Variants in ANO3 observed in about 807,000 individuals in gnomAD.
ANO3 encodes anoctamin 3.
In ANO3, 99 loss-of-function variants were observed where a neutral mutation model predicts 144.8. The observed-to-expected ratio is 0.68, with a 90% CI of 0.58 to 0.81. ANO3 has a LOEUF of 0.81. Ranked by LOEUF, ANO3 falls within the 30% of genes least tolerant of loss-of-function variation. The pLI is 0.00. For missense variants in ANO3, 905 were observed against 1,202.2 expected, an observed-to-expected ratio of 0.75 and a Z score of 3.66; for synonymous variants, 414 against 392.6, an observed-to-expected ratio of 1.05 and a Z score of -0.64.
rs200683704 is a variant in ANO3 at position 26,463,208 on chromosome 11, A to G, written c.432+60A>G. ...AGAGCATCATTTTTAAAACCTTACAATATTCATCTACATATTTGGTTTTCT... is the reference window on the plus strand; with the variant it reads ...AGAGCATCATTTTTAAAACCTTACAGTATTCATCTACATATTTGGTTTTCT... On this transcript the variant is annotated intron_variant, in intron 4 of 26. Coordinates refer to ENST00000256737, the MANE Select transcript of ANO3 (RefSeq NM_031418.4). 614 of 843,330 alleles carry G rather than the reference A, an allele frequency of 7.3e-4. 11 individuals are homozygous for G. In the South Asian group the frequency reaches 7.4e-3, roughly 10 times the overall value. 52.2% of individuals were successfully genotyped at this position (843,330 alleles called of 1,614,324 possible).
chr11:26,460,455 AGAAG>A (rs1355892344), intron 3 of ANO3, among the ~76,000 whole-genome samples: 11 of 150,276 alleles, frequency 7.3e-5, no homozygotes, highest in African/African-American at 2.2e-4. Flanking sequence ...AAAGAAGGAA[AGAAG>A]GAAGGAAGGA....
At chr11:26,595,225 G>A (rs1851574279) in intron 14 of ANO3, among the ~76,000 whole-genome samples, 1 of 152,090 alleles carries the variant, frequency 6.6e-6, no homozygotes, top group Non-Finnish European at 1.5e-5. Flanking sequence ...CCTTTTTCCT[G>A]CCTTTCTTGA....
intron 1 of ANO3, among the ~76,000 whole-genome samples, chr11:26,236,245 A>G (rs1590209148): frequency 6.6e-6 from 1 of 152,178 alleles, no homozygotes; most frequent in Non-Finnish European, 1.5e-5. Flanking sequence ...TACTATTGTT[A>G]GAGATAAATT....
intron 1 of ANO3, among the ~76,000 whole-genome samples, chr11:26,318,373 A>G (rs1854677872): frequency 6.6e-6 from 1 of 152,192 alleles, no homozygotes; most frequent in Non-Finnish European, 1.5e-5. Context: ...AATTTTAACT[A>G]AGGTCTTCTG....
At chr11:26,339,150 C>G (rs1277686006) in intron 1 of ANO3, among the ~76,000 whole-genome samples, 1 of 151,510 alleles carries the variant, frequency 6.6e-6, no homozygotes, top group African/African-American at 2.4e-5. Flanking sequence ...CTCCAAAGTC[C>G]ACTTTTTTTT....
chr11:26,452,870 C>A (rs1342925832), intron 3 of ANO3, among the ~76,000 whole-genome samples: 1 of 152,220 alleles, frequency 6.6e-6, no homozygotes, highest in Non-Finnish European at 1.5e-5. Context: ...ATCAGACTGA[C>A]AGCAGATCTC....
chr11:26,549,551 C>G (rs383087), intron 12 of ANO3, among the ~76,000 whole-genome samples: 1 of 151,918 alleles, frequency 6.6e-6, no homozygotes, highest in Non-Finnish European at 1.5e-5. Flanking sequence ...CTCTATTGAT[C>G]ATGTTTCTAC....
chr11:26,458,686 T>G (rs117218305), intron 3 of ANO3, among the ~76,000 whole-genome samples: 3,969 of 152,252 alleles, frequency 0.026, 86 homozygotes, highest in Admixed American at 0.035. Flanking sequence ...CATTCATTTA[T>G]TAGTTAATTT....
At chr11:26,284,344 T>G (rs1272010818) in intron 1 of ANO3, among the ~76,000 whole-genome samples, 5 of 152,162 alleles carry the variant, frequency 3.3e-5, no homozygotes, top group Admixed American at 1.3e-4. Context: ...CCTAATGGGT[T>G]GAACGGGAAG....
At chr11:26,605,997 T>C (rs200443096) in intron 17 of ANO3, among the ~76,000 whole-genome samples, 66,934 of 151,330 alleles carry the variant, frequency 0.44, 15,578 homozygotes, top group East Asian at 0.68. Context: ...TTTGTTTGCC[T>C]TTCCTTCTCT....
rs550057766 is a variant in ANO3, at chr11:26,586,503, C to CTTTTTTTTTTTTTTTTTTTTTTTT, written c.1448-11844_1448-11843insTTTTTTTTTTTTTTTTTTTTTTTT. On this transcript the variant is annotated intron_variant, in intron 14 of 26. Transcript: ENST00000256737. Reference sequence around the variant, plus strand: ...AAGAAGGGGCTTCCCTGGTGAGAATCTTTTTTTTTTTTTTTTTTGAGACAT... The same window carrying CTTTTTTTTTTTTTTTTTTTTTTTT: ...AAGAAGGGGCTTCCCTGGTGAGAATCTTTTTTTTTTTTTTTTTTTTTTTTTTTTTTTTTTTTTTTTTTGAGACAT... Among the ~76,000 whole-genome samples the CTTTTTTTTTTTTTTTTTTTTTTTT allele has an allele frequency of 4.2e-3, 339 of 81,418 alleles. 73 individuals carry two copies. The highest frequency in any genetic ancestry group is 7.6e-3 in the African/African-American group (145 of 19,036). 53.4% of individuals were successfully genotyped at this position (81,418 alleles called of 152,430 possible).
In ANO3 at chr11:26,246,456, T is replaced by TCA. The variant is rs1554928590; in HGVS notation, c.154+57126_154+57127insCA. ...GAGAAATAGTATCTAAGTGTAGTCTTTATATATATATATATATATATATAT... is the reference window on the plus strand; with the variant it reads ...GAGAAATAGTATCTAAGTGTAGTCTTCATATATATATATATATATATATATAT... On this transcript the variant is annotated intron_variant, in intron 1 of 27. Coordinates refer to the ANO3 transcript ENST00000672621. 1.4e-4 allele frequency among the ~76,000 whole-genome samples: 19 copies of TCA among 140,030 alleles called. No homozygotes were observed. The East Asian group carries it at 3.6e-3, about 26-fold the overall frequency. 91.9% of individuals were successfully genotyped at this position (140,030 alleles called of 152,430 possible).
In ANO3 at chr11:26,577,993, T is replaced by A. The variant is rs143879843; in HGVS notation, c.1447+18214T>A. ...GAACTATGAATGTAATTATTGAATA[T>A]CATGGAAGGCCTGCTACTATTGATC... On this transcript the variant is annotated intron_variant, in intron 14 of 26. Transcript: ENST00000256737. Among the ~76,000 whole-genome samples the A allele has an allele frequency of 8.8e-4, 134 of 152,310 alleles. 1 individual carries two copies. Among genetic ancestry groups the A allele is most frequent in the Non-Finnish European group, 1.4e-3 (96 of 68,028 alleles).
intron 1 of ANO3, among the ~76,000 whole-genome samples, chr11:26,404,210 G>C (rs531377079): frequency 6.6e-6 from 1 of 151,788 alleles, no homozygotes; most frequent in African/African-American, 2.4e-5. Context: ...TTTAATGAAA[G>C]AAAGAATGAA....
At chr11:26,374,592 A>G (rs1465223419) in intron 1 of ANO3, among the ~76,000 whole-genome samples, 1 of 152,222 alleles carries the variant, frequency 6.6e-6, no homozygotes, top group Non-Finnish European at 1.5e-5. Context: ...GGCTTTTGAA[A>G]TTGAGATGTT....
chr11:26,517,759 G>C (rs1285018051), intron 6 of ANO3, among the ~76,000 whole-genome samples: 4 of 152,002 alleles, frequency 2.6e-5, no homozygotes, highest in Admixed American at 2.0e-4. Flanking sequence ...GCATAAAAGA[G>C]TCCAACTCTG....
chr11:26,406,821 GT>G (rs1232117507), intron 1 of ANO3, among the ~76,000 whole-genome samples: 1 of 150,184 alleles, frequency 6.7e-6, no homozygotes, highest in African/African-American at 2.4e-5. Flanking sequence ...TTCCTGTCAA[GT>G]TTGTGATGAT....
intron 11 of ANO3, among the ~76,000 whole-genome samples, chr11:26,544,251 CATATATATATAT>C (rs1554967685): frequency 2.6e-5 from 1 of 38,454 alleles, no homozygotes; most frequent in African/African-American, 6.7e-5. Context: ...TTTCATTATA[CATATATATATAT>C]ATATATATAT....
intron 14 of ANO3, among the ~76,000 whole-genome samples, chr11:26,564,286 C>T (rs903292411): frequency 1.3e-5 from 2 of 151,260 alleles, no homozygotes; most frequent in Admixed American, 1.3e-4. Context: ...TTATAAAAAG[C>T]CTATATTTCA....
Sources: allele counts gnomAD v4.1 joint callset (sites outside exome capture counted in the v4.1 genomes callset), GRCh38; gene constraint gnomAD v4.1.1; transcripts MANE v1.5; gene names NCBI Gene and HGNC (gene_info 2026-07-23, HGNC 2026-07-21).